Variants in ROCK2 observed in about 807,000 individuals in gnomAD.
ROCK2 encodes rho-associated protein kinase 2.
In ROCK2, 61 loss-of-function variants were observed where a neutral mutation model predicts 195.1. That is an observed-to-expected ratio of 0.31 (90% CI 0.25 to 0.39). ROCK2 has a LOEUF of 0.39. Among genes scored for constraint, ROCK2 ranks in the 10% least tolerant of loss-of-function variants. The pLI, the probability that ROCK2 is intolerant of heterozygous loss-of-function variation, is 1.00. For missense variants in ROCK2, 1,109 were observed against 1,637.4 expected (o/e 0.68, Z 5.57); for synonymous variants, 504 against 545.5 (o/e 0.92, Z 1.06).
At chr2:11,250,533 C>T (rs944701589) in intron 3 of ROCK2, among the ~76,000 whole-genome samples, 3 of 152,166 alleles carry the variant, frequency 2.0e-5, no homozygotes, top group Admixed American at 6.5e-5. Flanking sequence ...ACTGCTAACA[C>T]GAATACTTGG....
chr2:11,329,839 T>C (rs760406152), intron 1 of ROCK2, among the ~76,000 whole-genome samples: 6 of 152,218 alleles, frequency 3.9e-5, no homozygotes, highest in African/African-American at 1.4e-4. Flanking sequence ...TTAACCTGAA[T>C]ATAACAACAT....
At chr2:11,253,713 T>G (rs1247060475) in intron 3 of ROCK2, among the ~76,000 whole-genome samples, 1 of 152,260 alleles carries the variant, frequency 6.6e-6, no homozygotes, top group East Asian at 1.9e-4. Flanking sequence ...AAATATTTAA[T>G]GACTCAATTA....
chr2:11,334,035 G>T (rs1668847538), intron 1 of ROCK2, among the ~76,000 whole-genome samples: 1 of 152,114 alleles, frequency 6.6e-6, no homozygotes, highest in Non-Finnish European at 1.5e-5. Flanking sequence ...TTTCCTACAT[G>T]ATCTCCAAAT....
chr2:11,213,528 G>C (rs1436717296), intron 17 of ROCK2, among the ~76,000 whole-genome samples: 1 of 150,468 alleles, frequency 6.6e-6, no homozygotes, highest in Non-Finnish European at 1.5e-5. Flanking sequence ...ATCACAGCAG[G>C]GCTGAACAGT....
intron 3 of ROCK2, among the ~76,000 whole-genome samples, chr2:11,276,081 CA>C (rs1322619022): frequency 1.3e-5 from 2 of 152,152 alleles, no homozygotes; most frequent in African/African-American, 4.8e-5. Flanking sequence ...TAATAAACTA[CA>C]TATGTGAAAC....
At position 11,192,168 on chromosome 2, in the gene ROCK2, C is replaced by T; in HGVS notation, c.4143G>A (p.Gln1381=). Residue 1381 remains glutamine, a synonymous_variant, in exon 32 of 33, where the codon CAG becomes CAA. Transcript: ENST00000315872. The surrounding 1 kb of genome is among the most constrained non-coding windows in gnomAD (Gnocchi z 5.0). ...QNQSIRRPSR[Q]LAPNKPS is the part of the protein sequence containing the mutation. ...ATTACCTAGGTTTGTTTGGGGCAAG[C>T]TGTCGACTTGGCCGTCTAATAGACT... The T allele has an allele frequency of 6.2e-7, 1 of 1,608,146 alleles. No individual in the cohort carries two copies. The highest frequency in any genetic ancestry group is 8.5e-7 in the Non-Finnish European group (1 of 1,177,460).
At position 11,218,987 on chromosome 2, in the gene ROCK2, G is replaced by A. The variant is rs1471164753; in HGVS notation, c.1299C>T (p.Ser433=). Residue 433 remains serine (S), a synonymous_variant, in exon 10 of 33, where the codon TCC becomes TCT. Transcript: ENST00000315872. ...SDSPSCRETD[S]IQSRKNEESQ... is the part of the protein sequence containing the mutation. Reference sequence around the variant, plus strand: ...GTACTTCATTTTTCCTTGATTGTATGGAATCAGTTTCTCTACAAGATGGAG... The same window carrying A: ...GTACTTCATTTTTCCTTGATTGTATAGAATCAGTTTCTCTACAAGATGGAG... The A allele has an allele frequency of 2.7e-6, 4 of 1,471,974 alleles. No homozygotes were observed. Among genetic ancestry groups the A allele is most frequent in the Admixed American group, 2.0e-5 (1 of 50,332 alleles). The allele number at this position is 1,471,974 out of a possible 1,614,324, so 91.2% of individuals were successfully genotyped here.
At chr2:11,247,324 T>C (rs56393775) in intron 4 of ROCK2, among the ~76,000 whole-genome samples, 6,467 of 152,206 alleles carry the variant, frequency 0.042, 277 homozygotes, top group Non-Finnish European at 0.06. Flanking sequence ...TTCAAAATCA[T>C]TGAATAAAAC....
At chr2:11,332,448 T>C (rs1388343614) in intron 1 of ROCK2, among the ~76,000 whole-genome samples, 4 of 152,162 alleles carry the variant, frequency 2.6e-5, no homozygotes, top group Non-Finnish European at 5.9e-5. Flanking sequence ...ACAACTTAAA[T>C]ATAATGATCC....
chr2:11,303,362 A>G (rs1026842004), intron 1 of ROCK2, among the ~76,000 whole-genome samples: 1 of 152,224 alleles, frequency 6.6e-6, no homozygotes, highest in African/African-American at 2.4e-5. Context: ...GAGAACTTGT[A>G]CAAGCCTTCA....
chr2:11,340,891 G>T (rs1439146450), intron 1 of ROCK2, among the ~76,000 whole-genome samples: 1 of 152,062 alleles, frequency 6.6e-6, no homozygotes, highest in Admixed American at 6.6e-5. Flanking sequence ...TTTACTCTTT[G>T]AAAGAGTAAA....
At chr2:11,303,529 C>T (rs1667767288) in intron 1 of ROCK2, among the ~76,000 whole-genome samples, 1 of 152,174 alleles carries the variant, frequency 6.6e-6, no homozygotes, top group African/African-American at 2.4e-5. Flanking sequence ...GCAATTCTCC[C>T]ATGATCTCTT....
chr2:11,328,849 T>C (rs188734394), intron 1 of ROCK2, among the ~76,000 whole-genome samples: 10 of 144,264 alleles, frequency 6.9e-5, no homozygotes, highest in African/African-American at 1.8e-4. Flanking sequence ...TTCTCACTCA[T>C]AGATGGGAAC....
intron 1 of ROCK2, among the ~76,000 whole-genome samples, chr2:11,331,501 A>C (rs1399948259): frequency 6.6e-6 from 1 of 152,238 alleles, no homozygotes; most frequent in East Asian, 1.9e-4. Context: ...AACAAAAGGG[A>C]AAGAAATAAG....
intron 3 of ROCK2, among the ~76,000 whole-genome samples, chr2:11,264,566 C>A (rs936528371): frequency 6.6e-6 from 1 of 152,126 alleles, no homozygotes; most frequent in Admixed American, 6.5e-5. Flanking sequence ...TATGACACAT[C>A]TTCATGAAGA....
intron 3 of ROCK2, among the ~76,000 whole-genome samples, chr2:11,257,556 T>C (rs1666080286): frequency 6.6e-6 from 1 of 151,428 alleles, no homozygotes; most frequent in South Asian, 2.1e-4. Context: ...TTGCTGCTGT[T>C]CTTTGGAAGA....
intron 4 of ROCK2, among the ~76,000 whole-genome samples, chr2:11,244,699 G>A (rs1462134514): frequency 2.0e-5 from 3 of 151,798 alleles, no homozygotes; most frequent in African/African-American, 4.8e-5. Context: ...GTTTGAGGGT[G>A]CAGTGAGCCA....
chr2:11,204,212 C>T (rs925177421), intron 20 of ROCK2, among the ~76,000 whole-genome samples: 11 of 152,112 alleles, frequency 7.2e-5, no homozygotes, highest in African/African-American at 2.4e-4. Context: ...TGCCCATTCC[C>T]TGTTGTCAGA....
chr2:11,337,246 G>GAA (rs774024004), intron 1 of ROCK2, among the ~76,000 whole-genome samples: 4 of 105,278 alleles, frequency 3.8e-5, no homozygotes, highest in Non-Finnish European at 4.1e-5. Context: ...CTCTACCTCA[G>GAA]AAAAAAAAAA....
Sources: allele counts gnomAD v4.1 joint callset (sites outside exome capture counted in the v4.1 genomes callset), GRCh38; gene constraint gnomAD v4.1.1; non-coding constraint Gnocchi (gnomAD v3.1); transcripts MANE v1.5; gene names NCBI Gene and HGNC (gene_info 2026-07-23, HGNC 2026-07-21).